TMEM178B: variants seen among roughly 807,000 people sequenced by gnomAD.
The protein encoded by TMEM178B is transmembrane protein 178B.
TMEM178B carries 5 observed loss-of-function variants against 31.0 expected under a neutral mutation model. That is an observed-to-expected ratio of 0.16 (90% confidence interval 0.08 to 0.34). The LOEUF (loss-of-function observed/expected upper bound fraction) is 0.34, where lower values mean the gene tolerates loss of function less well. TMEM178B is among the 10% of genes least tolerant of loss of function. The probability of loss-of-function intolerance (pLI) is 1.00; values close to 1 mark genes in which losing one functional copy is unlikely to be tolerated. For missense variants in TMEM178B, 275 were observed against 400.3 expected (o/e 0.69, Z 2.67); for synonymous variants, 164 against 164.0 (o/e 1.00, Z 0.00).
intron 3 of TMEM178B, among the ~76,000 whole-genome samples, chr7:141,438,604 T>C (rs1304430844): frequency 6.9e-6 from 1 of 145,774 alleles, no homozygotes; most frequent in Non-Finnish European, 1.5e-5. Context: ...CTCACACCTG[T>C]AATCCCAGCA....
rs148759305 is a variant in TMEM178B at position 141,296,419 on chromosome 7, G to T, written c.496+83715G>T. Among the ~76,000 whole-genome samples, 11 of 152,120 alleles carry T rather than the reference G, an allele frequency of 7.2e-5. No individual in the cohort carries two copies. The East Asian group carries it at 1.7e-3, about 24-fold the overall frequency. On this transcript the variant is annotated intron_variant, in intron 2 of 3. Transcript: ENST00000565468. Reference sequence around the variant, plus strand: ...CAGGGGCAAGGGTTTGGGAAAGAGGGTTTGTGTGGAGATTTAACATTTCTT... The same window carrying T: ...CAGGGGCAAGGGTTTGGGAAAGAGGTTTTGTGTGGAGATTTAACATTTCTT...
At chr7:141,164,491 C>T (rs1448202743) in intron 1 of TMEM178B, among the ~76,000 whole-genome samples, 7 of 152,030 alleles carry the variant, frequency 4.6e-5, no homozygotes, top group African/African-American at 7.2e-5. Flanking sequence ...GCTTTGTTGC[C>T]GGTGATGGGA....
intron 1 of TMEM178B, among the ~76,000 whole-genome samples, chr7:141,113,906 T>G (rs1266886708): frequency 6.6e-6 from 1 of 152,214 alleles, no homozygotes; most frequent in East Asian, 1.9e-4. Flanking sequence ...AGAAGGTTAT[T>G]TAGATAATGT....
intron 2 of TMEM178B, among the ~76,000 whole-genome samples, chr7:141,400,259 G>T (rs1800736521): frequency 6.6e-6 from 1 of 152,174 alleles, no homozygotes; most frequent in Non-Finnish European, 1.5e-5. Context: ...CAAAGACAAA[G>T]ATATGTCCAA....
At chr7:141,080,839 G>A (rs1391618611) in intron 1 of TMEM178B, among the ~76,000 whole-genome samples, 1 of 152,050 alleles carries the variant, frequency 6.6e-6, no homozygotes, top group Non-Finnish European at 1.5e-5. Flanking sequence ...AATTCTTATG[G>A]CCTAGTGACA....
At chr7:141,229,539 A>G (rs1269978832) in intron 2 of TMEM178B, among the ~76,000 whole-genome samples, 5 of 152,122 alleles carry the variant, frequency 3.3e-5, no homozygotes, top group Non-Finnish European at 7.3e-5. Context: ...TCTCCTGATC[A>G]TTAAGATGAA....
intron 2 of TMEM178B, among the ~76,000 whole-genome samples, chr7:141,390,651 C>T (rs912169796): frequency 2.6e-5 from 4 of 152,236 alleles, no homozygotes; most frequent in Non-Finnish European, 4.4e-5. Flanking sequence ...CGTTCTGACA[C>T]GACATGTGAT....
chr7:141,425,149 A>G (rs577027983), intron 2 of TMEM178B, among the ~76,000 whole-genome samples: 1 of 152,252 alleles, frequency 6.6e-6, no homozygotes, highest in Non-Finnish European at 1.5e-5. Flanking sequence ...TAGTAAATGC[A>G]TAATCAGTGT....
intron 2 of TMEM178B, among the ~76,000 whole-genome samples, chr7:141,368,874 G>A (rs577337018): frequency 4.6e-5 from 7 of 152,272 alleles, no homozygotes; most frequent in Admixed American, 2.0e-4. Flanking sequence ...GGACCATGCC[G>A]CTCCTGCTTT....
chr7:141,328,035 A>G (rs1271103355), intron 2 of TMEM178B, among the ~76,000 whole-genome samples: 2 of 152,154 alleles, frequency 1.3e-5, no homozygotes, highest in Admixed American at 6.5e-5. Context: ...GGAGCAGTGA[A>G]TCTTTCAAGG....
intron 1 of TMEM178B, among the ~76,000 whole-genome samples, chr7:141,083,201 A>G (rs906225167): frequency 6.6e-6 from 1 of 152,214 alleles, no homozygotes; most frequent in East Asian, 1.9e-4. Context: ...CAATCCACAG[A>G]GAGAGGAGGA....
chr7:141,412,549 A>T (rs984698480), intron 2 of TMEM178B, among the ~76,000 whole-genome samples: 1 of 152,218 alleles, frequency 6.6e-6, no homozygotes, highest in African/African-American at 2.4e-5. Context: ...TATATTGACA[A>T]AAAAAATTCC....
chr7:141,432,507 TAA>T (rs2116672250), intron 2 of TMEM178B, among the ~76,000 whole-genome samples: 1 of 152,338 alleles, frequency 6.6e-6, no homozygotes, highest in East Asian at 1.9e-4. Context: ...TAAGCCTGCT[TAA>T]GTCTTTTTTG....
At chr7:141,452,546 T>C (rs1801884814) in intron 3 of TMEM178B, among the ~76,000 whole-genome samples, 1 of 152,196 alleles carries the variant, frequency 6.6e-6, no homozygotes, top group Non-Finnish European at 1.5e-5. Flanking sequence ...TTCATTTGTT[T>C]CCATTCCCTG....
chr7:141,169,755 A>G (rs1796318831), intron 1 of TMEM178B, among the ~76,000 whole-genome samples: 1 of 152,212 alleles, frequency 6.6e-6, no homozygotes, highest in African/African-American at 2.4e-5. Context: ...AACCTTAGAG[A>G]TTCTAGCACA....
intron 1 of TMEM178B, among the ~76,000 whole-genome samples, chr7:141,162,101 AG>A (rs1203078648): frequency 6.6e-6 from 1 of 152,168 alleles, no homozygotes; most frequent in East Asian, 1.9e-4. Flanking sequence ...CTCCACCTGC[AG>A]GGCTTGGCCA....
intron 2 of TMEM178B, among the ~76,000 whole-genome samples, chr7:141,358,708 T>A (rs1799865820): frequency 6.6e-6 from 1 of 152,066 alleles, no homozygotes; most frequent in East Asian, 1.9e-4. Flanking sequence ...CAAAGAATTC[T>A]AATAAGTCGG....
At chr7:141,438,691 T>C (rs1361762343) in intron 3 of TMEM178B, among the ~76,000 whole-genome samples, 3 of 44,678 alleles carry the variant, frequency 6.7e-5, no homozygotes, top group South Asian at 7.7e-4. Context: ...AAACCCCGTC[T>C]CTACTAAAAA....
chr7:141,239,214 A>G (rs1009258677), intron 2 of TMEM178B, among the ~76,000 whole-genome samples: 9 of 152,174 alleles, frequency 5.9e-5, no homozygotes, highest in Non-Finnish European at 1.2e-4. Flanking sequence ...TGTTCTTCAC[A>G]TCTGGGGATA....
Sources: gnomAD v4.1 joint callset for allele counts (sites outside exome capture counted in the v4.1 genomes callset) on GRCh38, gnomAD v4.1.1 for gene constraint, MANE v1.5 for transcripts, NCBI Gene and HGNC (gene_info 2026-07-23, HGNC 2026-07-21) for gene names.